The following GAREM1 variants were observed in gnomAD, a reference collection of about 807,000 sequenced individuals.
GAREM1 encodes the protein GRB2-associated and regulator of MAPK protein 1.
A neutral mutation model predicts 71.3 loss-of-function variants in GAREM1; 26 were observed. That is an observed-to-expected ratio of 0.36 (90% CI 0.27 to 0.51). The LOEUF is 0.51. Ranked by LOEUF, GAREM1 falls within the 20% of genes least tolerant of loss-of-function variation. The pLI is 0.95. For missense variants in GAREM1, 1,026 were observed against 1,103.1 expected (o/e 0.93, Z 0.99); for synonymous variants, 440 against 433.2 (o/e 1.02, Z -0.20).
rs1021367772 is a variant in GAREM1 at position 32,280,230 on chromosome 18, A to G, written c.1566+6801T>C. On this transcript the variant is annotated intron_variant, in intron 4 of 5. Coordinates refer to ENST00000269209, the MANE Select transcript of GAREM1 (RefSeq NM_001242409.2). ...AAGCCCAAAGACAAAATAAAATAAA[A>G]ATGCAGAGTACAATCAATTCTTAGC... Among the ~76,000 whole-genome samples the G allele has an allele frequency of 2.0e-4, 30 of 152,336 alleles. 1 individual carries two copies. The highest frequency in any genetic ancestry group is 1.7e-3 in the Admixed American group (26 of 15,302).
At chr18:32,410,871 C>T (rs1277713557) in intron 1 of GAREM1, among the ~76,000 whole-genome samples, 2 of 152,252 alleles carry the variant, frequency 1.3e-5, no homozygotes, top group Non-Finnish European at 1.5e-5. Flanking sequence ...GGAGCAATCT[C>T]GGCTCACTGC....
At chr18:32,439,839 A>T (rs774335894) in intron 1 of GAREM1, among the ~76,000 whole-genome samples, 1 of 152,144 alleles carries the variant, frequency 6.6e-6, no homozygotes, top group Non-Finnish European at 1.5e-5. Context: ...TCTTACAAAA[A>T]CAGTCACACA....
chr18:32,361,308 C>T (rs1025808414), intron 2 of GAREM1, among the ~76,000 whole-genome samples: 1 of 152,092 alleles, frequency 6.6e-6, no homozygotes, highest in Non-Finnish European at 1.5e-5. Context: ...TGGCATGAGC[C>T]TTTTAAAGAT....
intron 2 of GAREM1, among the ~76,000 whole-genome samples, chr18:32,365,147 T>C (rs1220435419): frequency 6.6e-6 from 1 of 152,188 alleles, no homozygotes; most frequent in Non-Finnish European, 1.5e-5. Context: ...GATGGAATTG[T>C]CTTTACTCCT....
chr18:32,362,764 G>A (rs1453670591), intron 2 of GAREM1, among the ~76,000 whole-genome samples: 5 of 152,120 alleles, frequency 3.3e-5, no homozygotes, highest in African/African-American at 1.2e-4. Context: ...ATAACAAGAC[G>A]TGGATACTAA....
intron 1 of GAREM1, among the ~76,000 whole-genome samples, chr18:32,422,133 T>TC (rs1568005401): frequency 6.6e-6 from 1 of 151,912 alleles, no homozygotes; most frequent in East Asian, 1.9e-4. Flanking sequence ...ATGCTATCCC[T>TC]CCCCCCTTCC....
intron 2 of GAREM1, among the ~76,000 whole-genome samples, chr18:32,315,473 TAA>T (rs1365126983): frequency 1.4e-5 from 2 of 147,308 alleles, no homozygotes; most frequent in African/African-American, 4.9e-5. Flanking sequence ...TAAATATATA[TAA>T]AAGTAGATAT....
intron 3 of GAREM1, among the ~76,000 whole-genome samples, chr18:32,299,874 C>T (rs1196773310): frequency 6.6e-6 from 1 of 152,006 alleles, no homozygotes; most frequent in Non-Finnish European, 1.5e-5. Flanking sequence ...GACAGCAAAC[C>T]TTTAAAGGTT....
intron 3 of GAREM1, 88 bp downstream of exon 3, chr18:32,310,105 A>C: frequency 6.9e-7 from 1 of 1,441,082 alleles, no homozygotes; most frequent in South Asian, 1.3e-5. Context: ...CCTAGGAGAC[A>C]CAGATGAACA....
intron 4 of GAREM1, among the ~76,000 whole-genome samples, chr18:32,274,686 C>T (rs1486989434): frequency 6.6e-6 from 1 of 152,172 alleles, no homozygotes; most frequent in African/African-American, 2.4e-5. Flanking sequence ...CCAGCACACC[C>T]TGTGCTTTCC....
At chr18:32,310,655 T>A (rs555720297) in intron 2 of GAREM1, among the ~76,000 whole-genome samples, 1 of 152,322 alleles carries the variant, frequency 6.6e-6, no homozygotes, top group African/African-American at 2.4e-5. Flanking sequence ...TTTTTAACAG[T>A]AAGTTAAACA....
intron 1 of GAREM1, among the ~76,000 whole-genome samples, chr18:32,456,670 C>A (rs952866475): frequency 9.2e-5 from 14 of 152,012 alleles, no homozygotes; most frequent in Admixed American, 9.2e-4. Context: ...ACAATGTTAT[C>A]AAAAATGTTT....
intron 1 of GAREM1, among the ~76,000 whole-genome samples, chr18:32,454,992 C>T (rs2048873626): frequency 6.6e-6 from 1 of 152,058 alleles, no homozygotes; most frequent in Admixed American, 6.6e-5. Flanking sequence ...CTTAAAAAGA[C>T]AAATATAAAA....
intron 3 of GAREM1, among the ~76,000 whole-genome samples, chr18:32,300,420 T>C (rs1012827846): frequency 1.3e-5 from 2 of 152,208 alleles, no homozygotes; most frequent in African/African-American, 4.8e-5. Flanking sequence ...AATGTTTCAG[T>C]ACTACTAGCT....
intron 1 of GAREM1, among the ~76,000 whole-genome samples, chr18:32,421,478 C>T (rs2048518965): frequency 6.6e-6 from 1 of 152,184 alleles, no homozygotes; most frequent in Non-Finnish European, 1.5e-5. Context: ...AATCTGCTCA[C>T]ATCATTCCCC....
In GAREM1 at chr18:32,325,865, T is replaced by G. The variant is rs62093962; in HGVS notation, c.263-15542A>C. On this transcript the variant is annotated intron_variant, in intron 2 of 5. Transcript: ENST00000269209. ...AATACTGACACTGGACTTACGAGGA[T>G]GACTAAACATATATGAAGGGCTTAA... 3.5e-3 allele frequency among the ~76,000 whole-genome samples: 530 copies of G among 152,308 alleles called. 1 individual carries two copies. Among genetic ancestry groups the G allele is most frequent in the Non-Finnish European group, 5.4e-3 (369 of 68,024 alleles).
chr18:32,463,425 A>G (rs1242392371), intron 1 of GAREM1, among the ~76,000 whole-genome samples: 1 of 152,068 alleles, frequency 6.6e-6, no homozygotes, highest in Non-Finnish European at 1.5e-5. Flanking sequence ...TAGGTTTATC[A>G]CTGTCCACTG....
At chr18:32,307,524 C>G (rs1450803046) in intron 3 of GAREM1, among the ~76,000 whole-genome samples, 1 of 152,042 alleles carries the variant, frequency 6.6e-6, no homozygotes, top group African/African-American at 2.4e-5. Flanking sequence ...ATAATCCAGA[C>G]TTTTTGTTTT....
intron 3 of GAREM1, among the ~76,000 whole-genome samples, chr18:32,305,052 A>T (rs1330028462): frequency 6.8e-6 from 1 of 147,734 alleles, no homozygotes; most frequent in Non-Finnish European, 1.5e-5. Flanking sequence ...TATTACAGTT[A>T]AAAAAAAACC....
Sources: gnomAD v4.1 joint callset for allele counts (sites outside exome capture counted in the v4.1 genomes callset) on GRCh38, gnomAD v4.1.1 for gene constraint, MANE v1.5 for transcripts, NCBI Gene and HGNC (gene_info 2026-07-23, HGNC 2026-07-21) for gene names.